The following NAT2 variants were observed in gnomAD, a reference collection of about 807,000 sequenced individuals.
The protein encoded by NAT2 is arylamine N-acetyltransferase 2.
For synonymous variants in NAT2, 137 were observed against 125.9 expected (o/e 1.09, Z -0.59); for missense variants, 428 against 339.1 (o/e 1.26, Z -2.06).
At chr8:18,393,164 T>C (rs1261018056) in intron 1 of NAT2, among the ~76,000 whole-genome samples, 1 of 152,090 alleles carries the variant, frequency 6.6e-6, no homozygotes, top group African/African-American at 2.4e-5. Context: ...AGTCCCCACT[T>C]TGAAATTTAA....
rs1315076417 is a variant in NAT2 at position 18,400,499 on chromosome 8, A to G, written c.496A>G (p.Arg166Gly). 1 of 1,613,816 alleles carries G rather than the reference A, an allele frequency of 6.2e-7. No individual in the cohort carries two copies. Among genetic ancestry groups the G allele is most frequent in the Non-Finnish European group, 8.5e-7 (1 of 1,179,980 alleles). Reference protein sequence around the residue: ...RGIWYLDQIRREQYITNKEFL... With the variant: ...RGIWYLDQIRGEQYITNKEFL... The stretch of plus-strand genomic sequence containing the variant: ...AATCTGGTACCTGGACCAAATCAGG[A>G]GAGAGCAGTATATTACAAACAAAGA... Residue 166 changes from arginine (R) to glycine (G), a missense_variant, in exon 2 of 2, where the codon AGA becomes GGA. By Grantham distance (125) the Arg-to-Gly change is moderately radical. Transcript: ENST00000286479.
At chr8:18,388,164 C>G (rs1403563511), upstream of NAT2, among the ~76,000 whole-genome samples, 2 of 152,158 alleles carry the variant, frequency 1.3e-5, no homozygotes, top group Non-Finnish European at 2.9e-5. Flanking sequence ...ACTGAGCACC[C>G]AAGAGTTTTA....
upstream of NAT2, chr8:18,387,415 C>CCCCGGAGTTCAGCAGCG (rs1800522105): frequency 6.5e-6 from 1 of 153,242 alleles, no homozygotes; most frequent in African/African-American, 2.4e-5. Flanking sequence ...CTGGTCCCGG[C>CCCCGGAGTTCAGCAGCG]CCCGGAGTTC....
At chr8:18,395,712 T>C (rs996479638) in intron 1 of NAT2, among the ~76,000 whole-genome samples, 2 of 152,142 alleles carry the variant, frequency 1.3e-5, no homozygotes, top group African/African-American at 4.8e-5. Flanking sequence ...AGGTAATAGC[T>C]TTGGAGAGAT....
chr8:18,398,746 T>C, intron 1 of NAT2, among the ~76,000 whole-genome samples: 1 of 152,208 alleles, frequency 6.6e-6, no homozygotes, highest in Admixed American at 6.5e-5. Context: ...GCTTCTAGCC[T>C]TGCAGCATAA....
intron 1 of NAT2, 62 bp from the exon 2 acceptor site, chr8:18,399,936 T>C: frequency 6.7e-7 from 1 of 1,483,464 alleles, no homozygotes; most frequent in Non-Finnish European, 9.0e-7. Context: ...CTATAATTAG[T>C]CACACGAGGA....
At chr8:18,386,780 C>CT (rs1409279366), upstream of NAT2, among the ~76,000 whole-genome samples, 4 of 152,042 alleles carry the variant, frequency 2.6e-5, no homozygotes, top group Non-Finnish European at 4.4e-5. Context: ...GCTCTCAGGC[C>CT]TCACAGAGAA....
chr8:18,394,850 T>C (rs1372916245), intron 1 of NAT2, among the ~76,000 whole-genome samples: 5 of 152,352 alleles, frequency 3.3e-5, no homozygotes, highest in South Asian at 2.1e-4. Context: ...ACTGAATTTA[T>C]GCAAATAATT....
At chr8:18,399,717 T>G (rs1800754160) in intron 1 of NAT2, among the ~76,000 whole-genome samples, 1 of 152,186 alleles carries the variant, frequency 6.6e-6, no homozygotes, top group Non-Finnish European at 1.5e-5. Flanking sequence ...ACAAGTTGTT[T>G]ACCATTTGGC....
chr8:18,394,289 A>G (rs899010841), intron 1 of NAT2, among the ~76,000 whole-genome samples: 6 of 152,180 alleles, frequency 3.9e-5, no homozygotes, highest in Admixed American at 1.3e-4. Flanking sequence ...GGAACCGGCC[A>G]TCTGGATGTG....
intron 1 of NAT2, among the ~76,000 whole-genome samples, chr8:18,396,866 T>C (rs770749187): frequency 2.2e-4 from 34 of 152,310 alleles, no homozygotes; most frequent in Middle Eastern, 3.4e-3. Flanking sequence ...TGTGACTAGT[T>C]TTGTCTAATG....
chr8:18,393,107 A>C (rs190211294), intron 1 of NAT2, among the ~76,000 whole-genome samples: 1 of 151,856 alleles, frequency 6.6e-6, no homozygotes, highest in African/African-American at 2.4e-5. Flanking sequence ...CCATTTTTAA[A>C]TATGTCAAAG....
chr8:18,398,160 C>A (rs193034034), intron 1 of NAT2, among the ~76,000 whole-genome samples: 1 of 152,036 alleles, frequency 6.6e-6, no homozygotes, highest in Non-Finnish European at 1.5e-5. Context: ...TGCTTAGGTG[C>A]GACAAGGTAT....
intron 1 of NAT2, among the ~76,000 whole-genome samples, chr8:18,396,437 T>A (rs1397207540): frequency 6.6e-6 from 1 of 152,184 alleles, no homozygotes; most frequent in Non-Finnish European, 1.5e-5. Context: ...TTTTTTTTGT[T>A]CTTTTGAGAC....
upstream of NAT2, among the ~76,000 whole-genome samples, chr8:18,390,360 G>A (rs1244502273): frequency 6.6e-6 from 1 of 152,150 alleles, no homozygotes; most frequent in African/African-American, 2.4e-5. Flanking sequence ...GTAGTAGAAA[G>A]TTAAGAGTTG....
intron 1 of NAT2, among the ~76,000 whole-genome samples, chr8:18,396,496 A>G (rs1800693872): frequency 6.6e-6 from 1 of 152,118 alleles, no homozygotes; most frequent in South Asian, 2.1e-4. Flanking sequence ...CCAGGGTTCA[A>G]GTGATTCTCC....
chr8:18,400,222 A>G lies in NAT2; in HGVS notation c.219A>G (p.Gln73=). The G allele has an allele frequency of 6.2e-7, 1 of 1,612,108 alleles. No homozygotes were observed. Among genetic ancestry groups the G allele is most frequent in the Non-Finnish European group, 8.5e-7 (1 of 1,178,774 alleles). Reference sequence around the variant, plus strand: ...GTGGGTGGTGTCTCCAGGTCAATCAACTTCTGTACTGGGCTCTGACCACAA... The same window carrying G: ...GTGGGTGGTGTCTCCAGGTCAATCAGCTTCTGTACTGGGCTCTGACCACAA... ...NRGGWCLQVN[Q]LLYWALTTIG... is the part of the protein sequence containing the mutation. Residue 73 remains glutamine, a synonymous_variant, in exon 2 of 2, where the codon CAA becomes CAG. Transcript: ENST00000286479.
chr8:18,396,837 G>A (rs554952852), intron 1 of NAT2, among the ~76,000 whole-genome samples: 1 of 152,292 alleles, frequency 6.6e-6, no homozygotes, highest in South Asian at 2.1e-4. Context: ...AAAATAGTTA[G>A]CAAGGAAATA....
rs773371959 is a variant in NAT2 at position 18,400,179 on chromosome 8, T to C, written c.176T>C (p.Ile59Thr). The C allele has an allele frequency of 3.7e-6, 6 of 1,613,786 alleles. No homozygotes were observed. The South Asian group carries it at 4.4e-5, about 12-fold the overall frequency. ...GGCTTAGAGGCTATTTTTGATCACA[T>C]TGTAAGAAGAAACCGGGGTGGGTGG... is the stretch of plus-strand genomic sequence containing the variant. ...ELGLEAIFDH[I>T]VRRNRGGWCL... The change falls in exon 2 of 2, where the codon ATT (isoleucine) becomes ACT (threonine). Residue 59 changes from isoleucine (I) to threonine (T), a missense_variant. Physicochemically the swap from Ile to Thr is moderately conservative, Grantham distance 89 (BLOSUM62 -1). Transcript: ENST00000286479.
Sources: gnomAD v4.1 joint callset for allele counts (sites outside exome capture counted in the v4.1 genomes callset) on GRCh38, gnomAD v4.1.1 for gene constraint, MANE v1.5 for transcripts, NCBI Gene and HGNC (gene_info 2026-07-23, HGNC 2026-07-21) for gene names.